The following CCDC178 variants were observed in gnomAD, a reference collection of about 807,000 sequenced individuals.
CCDC178 encodes the protein coiled-coil domain containing 178.
A neutral mutation model predicts 117.4 loss-of-function variants in CCDC178; 126 were observed. The ratio of observed to expected loss-of-function variants is 1.07; its 90% CI spans 0.93 to 1.24. The LOEUF is 1.24. CCDC178 is among the 50% of genes most tolerant of loss of function. The pLI, the probability that CCDC178 is intolerant of heterozygous loss-of-function variation, is 0.00. For missense variants in CCDC178, 1,030 were observed against 986.9 expected (o/e 1.04, Z -0.59); for synonymous variants, 283 against 313.4 (o/e 0.90, Z 1.02).
At chr18:33,113,410 T>A (rs2057809691) in intron 20 of CCDC178, among the ~76,000 whole-genome samples, 1 of 152,004 alleles carries the variant, frequency 6.6e-6, no homozygotes, top group Non-Finnish European at 1.5e-5. Context: ...TAGGATAAGC[T>A]GGGGTTAAAA....
At chr18:33,031,647 A>G (rs1184761346) in intron 21 of CCDC178, among the ~76,000 whole-genome samples, 1 of 152,126 alleles carries the variant, frequency 6.6e-6, no homozygotes, top group African/African-American at 2.4e-5. Context: ...TCAAGGAACC[A>G]GCTGGCTCCA....
chr18:33,405,001 C>A (rs1407848920), intron 3 of CCDC178, among the ~76,000 whole-genome samples: 28 of 152,064 alleles, frequency 1.8e-4, no homozygotes, highest in East Asian at 1.9e-4. Context: ...GGGTTTCTTT[C>A]AGTGGTTATG....
In CCDC178 at chr18:33,032,962, T is replaced by C. The variant is rs149322371; in HGVS notation, c.2389-58281A>G. Reference sequence around the variant, plus strand: ...AAATTTGATCATATTGACCTTCCTATCATTTATTTTAAAATGTCATGCACC... The same window carrying C: ...AAATTTGATCATATTGACCTTCCTACCATTTATTTTAAAATGTCATGCACC... On this transcript the variant is annotated intron_variant, in intron 21 of 22. Transcript: ENST00000383096. 7.8e-3 allele frequency among the ~76,000 whole-genome samples: 1,183 copies of C among 152,198 alleles called. 4 individuals are homozygous for C. The highest frequency in any genetic ancestry group is 0.012 in the Non-Finnish European group (827 of 67,988).
At chr18:33,224,582 G>C (rs2059278515) in intron 17 of CCDC178, among the ~76,000 whole-genome samples, 193 bp downstream of exon 17, 1 of 152,048 alleles carries the variant, frequency 6.6e-6, no homozygotes, top group Admixed American at 6.6e-5. Context: ...TAAGACTATG[G>C]GGTTCTAGAT....
chr18:33,333,808 G>A (rs902185280), intron 9 of CCDC178, among the ~76,000 whole-genome samples: 10 of 151,592 alleles, frequency 6.6e-5, no homozygotes, highest in East Asian at 1.9e-4. Context: ...CACCGCACCC[G>A]GCCAAATCTT....
At chr18:33,431,924 T>C (rs1051519828) in intron 2 of CCDC178, among the ~76,000 whole-genome samples, 16 of 152,232 alleles carry the variant, frequency 1.1e-4, no homozygotes, top group East Asian at 1.9e-4. Context: ...TGGAGAGGAA[T>C]GTAGGATCAG....
rs2058143934 is a variant in CCDC178 at position 33,137,501 on chromosome 18, G to A, written c.2239-44591C>T. Among the ~76,000 whole-genome samples the A allele has an allele frequency of 3.3e-5, 5 of 152,140 alleles. No homozygotes were observed. In the South Asian group the frequency reaches 8.3e-4, roughly 25 times the overall value. ...ACTCTTTGAAGAGAACCTAGTCTGA[G>A]CTGACGTTTGTTCTATGTCTGCAAA... On this transcript the variant is annotated intron_variant, in intron 20 of 22. Transcript: ENST00000383096.
chr18:33,303,381 A>G (rs544620645), intron 11 of CCDC178, among the ~76,000 whole-genome samples: 32 of 152,326 alleles, frequency 2.1e-4, no homozygotes, highest in Middle Eastern at 3.4e-3. Flanking sequence ...TTTTTTAAGT[A>G]GTACAGTGCA....
At chr18:32,943,470 CAT>C (rs1355700995) in intron 22 of CCDC178, among the ~76,000 whole-genome samples, 1 of 151,946 alleles carries the variant, frequency 6.6e-6, no homozygotes, top group Non-Finnish European at 1.5e-5. Context: ...TAGAATTCAA[CAT>C]GAGTGGCAAC....
At chr18:33,019,294 T>C (rs1033240318) in intron 21 of CCDC178, among the ~76,000 whole-genome samples, 1 of 152,194 alleles carries the variant, frequency 6.6e-6, no homozygotes, top group Non-Finnish European at 1.5e-5. Flanking sequence ...TATGATTATG[T>C]AGCAAGTGAA....
At chr18:33,401,500 A>G (rs893449479) in intron 3 of CCDC178, among the ~76,000 whole-genome samples, 11 of 152,206 alleles carry the variant, frequency 7.2e-5, no homozygotes, top group African/African-American at 2.7e-4. Flanking sequence ...CTGTATTGTT[A>G]TACAATATTC....
At chr18:33,293,104 A>G (rs1289199830) in intron 12 of CCDC178, 55 bp downstream of exon 12, 4 of 1,268,924 alleles carry the variant, frequency 3.2e-6, no homozygotes, top group Non-Finnish European at 2.2e-6. Context: ...AAAGTTTACT[A>G]TTTATAACTC....
intron 11 of CCDC178, among the ~76,000 whole-genome samples, chr18:33,318,426 T>A (rs946338084): frequency 6.6e-6 from 1 of 152,222 alleles, no homozygotes; most frequent in African/African-American, 2.4e-5. Flanking sequence ...CATATGGTCT[T>A]CATGTTAAAC....
At chr18:33,063,116 C>A (rs982971971) in intron 21 of CCDC178, among the ~76,000 whole-genome samples, 46 of 152,298 alleles carry the variant, frequency 3.0e-4, no homozygotes, top group African/African-American at 1.1e-3. Context: ...CAGCCAGGCG[C>A]CATCCTGGGG....
chr18:33,417,672 G>A (rs1367767960), intron 2 of CCDC178, among the ~76,000 whole-genome samples: 1 of 151,964 alleles, frequency 6.6e-6, no homozygotes, highest in African/African-American at 2.4e-5. Context: ...TATATATGAT[G>A]TTAGTATAAC....
chr18:33,024,895 C>T (rs946065370), intron 21 of CCDC178, among the ~76,000 whole-genome samples: 8 of 151,924 alleles, frequency 5.3e-5, no homozygotes, highest in African/African-American at 1.9e-4. Flanking sequence ...TCATGATCTG[C>T]CTGCCTTGGC....
At chr18:32,991,678 G>T (rs766782620) in intron 21 of CCDC178, among the ~76,000 whole-genome samples, 1 of 152,004 alleles carries the variant, frequency 6.6e-6, no homozygotes, top group Non-Finnish European at 1.5e-5. Flanking sequence ...ATGCTGTCTC[G>T]GGCTGGTCCC....
At chr18:33,337,166 G>A (rs2062752171) in intron 9 of CCDC178, among the ~76,000 whole-genome samples, 1 of 150,216 alleles carries the variant, frequency 6.7e-6, no homozygotes, top group African/African-American at 2.4e-5. Context: ...TATCATGAAA[G>A]GAGTTGAGTT....
chr18:33,257,551 T>G lies in CCDC178; in HGVS notation c.1409+9365A>C, dbSNP rs9964983. The stretch of plus-strand genomic sequence containing the variant: ...TTCAGCCTGCAGTTGTTCAATTACT[T>G]TCAATGCATTGACCCCTGAGAATTT... On this transcript the variant is annotated intron_variant, in intron 14 of 22. Coordinates refer to ENST00000383096, the MANE Select transcript of CCDC178 (RefSeq NM_001105528.4). 7.8e-3 allele frequency among the ~76,000 whole-genome samples: 1,191 copies of G among 152,238 alleles called. 13 individuals are homozygous for G. The highest frequency in any genetic ancestry group is 0.027 in the African/African-American group (1,111 of 41,538).
Sources: allele counts gnomAD v4.1 joint callset (sites outside exome capture counted in the v4.1 genomes callset), GRCh38; gene constraint gnomAD v4.1.1; transcripts MANE v1.5; gene names NCBI Gene and HGNC (gene_info 2026-07-23, HGNC 2026-07-21).